Variants in SLC30A8 observed in about 807,000 individuals in gnomAD.
SLC30A8 encodes solute carrier family 30 member 8.
In SLC30A8, 27 loss-of-function variants were observed where a neutral mutation model predicts 36.9. That is an observed-to-expected ratio of 0.73 (90% CI 0.54 to 1.01). SLC30A8 has a LOEUF of 1.01. Ranked by LOEUF, SLC30A8 falls within the 50% of genes least tolerant of loss-of-function variation. The probability of loss-of-function intolerance (pLI) is 0.00; values close to 1 mark genes in which losing one functional copy is unlikely to be tolerated. For synonymous variants in SLC30A8, 164 were observed against 172.4 expected, an observed-to-expected ratio of 0.95 and a Z score of 0.38; for missense variants, 439 against 452.0, an observed-to-expected ratio of 0.97 and a Z score of 0.26.
intron 2 of SLC30A8, among the ~76,000 whole-genome samples, chr8:117,111,661 T>C (rs934973991): frequency 2.6e-5 from 4 of 152,084 alleles, no homozygotes; most frequent in Non-Finnish European, 5.9e-5. Flanking sequence ...GCACTGTCTT[T>C]CCACTGGCGC....
At chr8:117,124,663 A>T (rs1017794455) in intron 2 of SLC30A8, among the ~76,000 whole-genome samples, 1 of 151,776 alleles carries the variant, frequency 6.6e-6, no homozygotes, top group African/African-American at 2.4e-5. Context: ...AAAAAAAAAA[A>T]AGATTAGAAA....
chr8:117,135,882 A>G (rs999567019), intron 1 of SLC30A8, among the ~76,000 whole-genome samples: 2 of 151,964 alleles, frequency 1.3e-5, no homozygotes, highest in African/African-American at 4.8e-5. Context: ...AATGTTCTAC[A>G]AAGTATTCCA....
intron 1 of SLC30A8, among the ~76,000 whole-genome samples, chr8:116,960,185 G>A (rs1159564728): frequency 1.3e-5 from 2 of 152,198 alleles, no homozygotes; most frequent in Admixed American, 6.5e-5. Flanking sequence ...GTGGGAAAAT[G>A]TATGTAGCCC....
At chr8:117,165,805 AG>A (rs1823027348) in intron 6 of SLC30A8, among the ~76,000 whole-genome samples, 1 of 152,242 alleles carries the variant, frequency 6.6e-6, no homozygotes, top group African/African-American at 2.4e-5. Context: ...GCTATGAAAA[AG>A]AATGAAATCC....
In SLC30A8 at chr8:117,025,394, A is replaced by G. The variant is rs985336210; in HGVS notation, c.-265-13825A>G. ...CAGCATTTCTAGATTTATTTTTTAA[A>G]TTACAAAAGTAGATTTCTCAGTGAA... is the stretch of plus-strand genomic sequence containing the variant. On this transcript the variant is annotated intron_variant, in intron 1 of 10. Coordinates refer to the SLC30A8 transcript ENST00000427715. Among the ~76,000 whole-genome samples the G allele has an allele frequency of 3.9e-5, 6 of 152,228 alleles. No homozygotes were observed. The East Asian group carries it at 5.8e-4, about 15-fold the overall frequency.
chr8:117,080,983 CTA>C (rs1430912425), intron 2 of SLC30A8, among the ~76,000 whole-genome samples: 1 of 152,166 alleles, frequency 6.6e-6, no homozygotes, highest in Non-Finnish European at 1.5e-5. Context: ...ACAAAAATAT[CTA>C]TCTTAGTAGA....
rs555398343 is a variant in SLC30A8 at position 117,149,003 on chromosome 8, C to T, written c.271+1850C>T. On this transcript the variant is annotated intron_variant, in intron 2 of 7. Coordinates refer to ENST00000456015, the MANE Select transcript of SLC30A8 (RefSeq NM_173851.3). ...TCCCAGGACATCACCCTGTCTTGTG[C>T]AGAAAACATATTTCCCCTCATTTCA... 9.9e-5 allele frequency among the ~76,000 whole-genome samples: 15 copies of T among 152,276 alleles called. No homozygotes were observed. In the South Asian group the frequency reaches 3.1e-3, roughly 32 times the overall value.
rs561643035 is a variant in SLC30A8, at chr8:116,995,421, C to A, written c.-265-43798C>A. Among the ~76,000 whole-genome samples, 22 of 152,206 alleles carry A rather than the reference C, an allele frequency of 1.4e-4. 1 individual carries two copies. The highest frequency in any genetic ancestry group is 4.8e-4 in the African/African-American group (20 of 41,488). The stretch of plus-strand genomic sequence containing the variant: ...CCACACCTCACAGATGAAAAAACTT[C>A]ATTTCCCACTAGATGTGATTCTCCA... On this transcript the variant is annotated intron_variant, in intron 1 of 10. Coordinates refer to the SLC30A8 transcript ENST00000427715.
At chr8:116,950,664 A>T (rs1358375536), upstream of SLC30A8, 1 of 152,230 alleles carries the variant, frequency 6.6e-6, no homozygotes, top group Non-Finnish European at 1.5e-5. Flanking sequence ...TACTGCTTCC[A>T]AATTGGTACT....
intron 2 of SLC30A8, among the ~76,000 whole-genome samples, chr8:117,097,443 A>G (rs1819440075): frequency 8.3e-6 from 1 of 120,244 alleles, no homozygotes. Flanking sequence ...ATATAATTAT[A>G]TATTATATAT....
At chr8:116,990,954 G>T (rs1007848214) in intron 1 of SLC30A8, among the ~76,000 whole-genome samples, 1 of 144,956 alleles carries the variant, frequency 6.9e-6, no homozygotes, top group African/African-American at 2.9e-5. Context: ...AAGACTGAGA[G>T]AGAGAGAAAG....
At chr8:117,006,772 ATTTTTTT>A (rs71305456) in intron 1 of SLC30A8, among the ~76,000 whole-genome samples, 260 of 78,952 alleles carry the variant, frequency 3.3e-3, no homozygotes, top group Middle Eastern at 0.02. Context: ...GAGTCAGGTA[ATTTTTTT>A]TTTTTTTTTT....
chr8:116,976,756 A>G (rs542078169), intron 1 of SLC30A8, among the ~76,000 whole-genome samples: 224 of 150,930 alleles, frequency 1.5e-3, no homozygotes, highest in African/African-American at 5.3e-3. Flanking sequence ...GCAGGATGTC[A>G]TCATTGCTGT....
chr8:117,098,140 A>G (rs562368514), intron 2 of SLC30A8, among the ~76,000 whole-genome samples: 17 of 147,460 alleles, frequency 1.2e-4, no homozygotes, highest in African/African-American at 4.0e-4. Context: ...AAAAGAGGGA[A>G]AAAGAGGAAG....
chr8:117,123,163 T>TG (rs1820754930), intron 2 of SLC30A8, among the ~76,000 whole-genome samples: 1 of 151,980 alleles, frequency 6.6e-6, no homozygotes, highest in Non-Finnish European at 1.5e-5. Flanking sequence ...ATTTGCTCCT[T>TG]GCCACTGGGA....
intron 1 of SLC30A8, chr8:117,007,168 C>G (rs960912338): frequency 6.6e-6 from 1 of 151,468 alleles, no homozygotes; most frequent in Non-Finnish European, 1.5e-5. Flanking sequence ...GGTGATGTGT[C>G]TATTTGAAAA....
intron 2 of SLC30A8, among the ~76,000 whole-genome samples, chr8:117,086,128 G>A (rs1818867217): frequency 6.6e-6 from 1 of 152,202 alleles, no homozygotes; most frequent in Non-Finnish European, 1.5e-5. Flanking sequence ...TGTTGGAAGT[G>A]TAGGTATGTT....
At chr8:117,057,255 A>G (rs1444956361) in intron 2 of SLC30A8, among the ~76,000 whole-genome samples, 2 of 152,186 alleles carry the variant, frequency 1.3e-5, no homozygotes, top group African/African-American at 4.8e-5. Context: ...TAAAATGTAT[A>G]ATTGACAAAT....
chr8:116,996,695 C>G (rs930812982), intron 1 of SLC30A8, among the ~76,000 whole-genome samples: 1 of 152,036 alleles, frequency 6.6e-6, no homozygotes, highest in Non-Finnish European at 1.5e-5. Flanking sequence ...AGGCAAACCC[C>G]GTGTATGCTG....
Sources: gnomAD v4.1 joint callset for allele counts (sites outside exome capture counted in the v4.1 genomes callset) on GRCh38, gnomAD v4.1.1 for gene constraint, MANE v1.5 for transcripts, NCBI Gene and HGNC (gene_info 2026-07-23, HGNC 2026-07-21) for gene names.